Variants in MAMDC2 observed in about 807,000 individuals in gnomAD.
MAMDC2 encodes the protein MAM domain-containing protein 2.
In MAMDC2, 57 loss-of-function variants were observed where a neutral mutation model predicts 89.8. That is an observed-to-expected ratio of 0.63 (90% CI 0.51 to 0.79). MAMDC2 has a LOEUF of 0.79. MAMDC2 is among the 30% of genes least tolerant of loss of function. MAMDC2 has a pLI of 0.00. For synonymous variants in MAMDC2, 313 were observed against 293.4 expected, an observed-to-expected ratio of 1.07 and a Z score of -0.68; for missense variants, 800 against 820.6, an observed-to-expected ratio of 0.97 and a Z score of 0.31.
At position 70,113,051 on chromosome 9, in the gene MAMDC2, G is replaced by T. The variant is rs1828551725; in HGVS notation, c.562G>T (p.Val188Leu). The T allele has an allele frequency of 6.2e-7, 1 of 1,614,040 alleles. No homozygotes were observed. The highest frequency in any genetic ancestry group is 8.5e-7 in the Non-Finnish European group (1 of 1,179,996). ...CGFVNRWNPN[V>L]NWFVGGGSIR... ...CTTTGTGAACCGCTGGAATCCCAAT[G>T]TGAACTGGTTTGTTGGAGGAGGAAG... Residue 188 changes from valine (V) to leucine (L), a missense_variant, in exon 5 of 14, where the codon GTG becomes TTG. By Grantham distance (32) the Val-to-Leu change is conservative. Transcript: ENST00000377182.
chr9:70,181,752 T>A lies in MAMDC2; in HGVS notation c.1651+11121T>A, dbSNP rs186282642. ...GTTGATTATCAGCTTAAGGAGTTTTTGGGCTGAGACAATGGGGTTTTCTAA... is the reference window on the plus strand; with the variant it reads ...GTTGATTATCAGCTTAAGGAGTTTTAGGGCTGAGACAATGGGGTTTTCTAA... On this transcript the variant is annotated intron_variant, in intron 11 of 13. Transcript: ENST00000377182. Among the ~76,000 whole-genome samples the A allele has an allele frequency of 2.0e-3, 306 of 152,332 alleles. 4 individuals carry two copies. The highest frequency in any genetic ancestry group is 0.014 in the Middle Eastern group (4 of 294).
intron 9 of MAMDC2, among the ~76,000 whole-genome samples, chr9:70,147,005 T>C (rs921761686): frequency 2.0e-5 from 3 of 146,858 alleles, no homozygotes; most frequent in Non-Finnish European, 4.5e-5. Flanking sequence ...CCTGTAATCC[T>C]AGCACTTCGG....
chr9:70,138,494 T>C (rs1302988737), intron 7 of MAMDC2, among the ~76,000 whole-genome samples: 1 of 152,194 alleles, frequency 6.6e-6, no homozygotes, highest in African/African-American at 2.4e-5. Context: ...CTGTTTTCCA[T>C]AGTGGCTGTG....
chr9:70,186,359 G>C (rs1232352643), intron 11 of MAMDC2, among the ~76,000 whole-genome samples: 1 of 151,522 alleles, frequency 6.6e-6, no homozygotes, highest in Non-Finnish European at 1.5e-5. Flanking sequence ...GATTCTTTCA[G>C]TTTTTGTTTG....
intron 2 of MAMDC2, among the ~76,000 whole-genome samples, chr9:70,064,130 A>G (rs1232869694): frequency 6.6e-6 from 1 of 151,998 alleles, no homozygotes; most frequent in East Asian, 1.9e-4. Flanking sequence ...GTATATATAT[A>G]TAATAATTTT....
intron 11 of MAMDC2, among the ~76,000 whole-genome samples, chr9:70,199,137 G>A: frequency 6.8e-6 from 1 of 147,076 alleles, no homozygotes; most frequent in African/African-American, 2.5e-5. Flanking sequence ...TACATGTGCT[G>A]TGCTGGTGCG....
At chr9:70,157,874 C>T (rs888185974) in intron 9 of MAMDC2, 12 of 152,054 alleles carry the variant, frequency 7.9e-5, no homozygotes, top group African/African-American at 1.9e-4. Flanking sequence ...AATAGGAAAG[C>T]GGATAGGATA....
At chr9:70,081,132 A>T (rs1209057029) in intron 2 of MAMDC2, among the ~76,000 whole-genome samples, 1 of 152,100 alleles carries the variant, frequency 6.6e-6, no homozygotes, top group Non-Finnish European at 1.5e-5. Context: ...TGTTTGTTTG[A>T]CACAAAGGAG....
intron 11 of MAMDC2, among the ~76,000 whole-genome samples, chr9:70,211,999 A>G (rs539705285): frequency 6.6e-6 from 1 of 152,312 alleles, no homozygotes; most frequent in Admixed American, 6.5e-5. Flanking sequence ...GCTTTGTCTC[A>G]GAGGGGCACC....
intron 11 of MAMDC2, among the ~76,000 whole-genome samples, chr9:70,184,780 G>A (rs2032715761): frequency 6.6e-6 from 1 of 151,852 alleles, no homozygotes; most frequent in Non-Finnish European, 1.5e-5. Flanking sequence ...AGCAGTTCCT[G>A]TAACCTTTTA....
intron 2 of MAMDC2, among the ~76,000 whole-genome samples, chr9:70,069,520 T>C (rs1349004343): frequency 2.6e-5 from 4 of 152,228 alleles, no homozygotes; most frequent in African/African-American, 9.6e-5. Context: ...AATTTTTAAA[T>C]ATGCATAGTC....
At chr9:70,191,606 T>C (rs925640086) in intron 11 of MAMDC2, among the ~76,000 whole-genome samples, 2 of 152,080 alleles carry the variant, frequency 1.3e-5, no homozygotes, top group African/African-American at 4.8e-5. Context: ...GAGTTCAACC[T>C]GTTCTCCAGT....
chr9:70,102,484 G>A (rs115990932), intron 2 of MAMDC2, among the ~76,000 whole-genome samples: 1 of 152,118 alleles, frequency 6.6e-6, no homozygotes, highest in East Asian at 1.9e-4. Flanking sequence ...GGAAGTTATC[G>A]ATACATTGAG....
At chr9:70,065,038 A>G (rs1827234932) in intron 2 of MAMDC2, among the ~76,000 whole-genome samples, 1 of 152,218 alleles carries the variant, frequency 6.6e-6, no homozygotes, top group African/African-American at 2.4e-5. Context: ...CCATCTGTCT[A>G]TATGAAATAT....
chr9:70,136,804 A>C (rs990403007), intron 7 of MAMDC2, among the ~76,000 whole-genome samples: 2 of 152,150 alleles, frequency 1.3e-5, no homozygotes, highest in Non-Finnish European at 2.9e-5. Context: ...AGGGGTGACT[A>C]ATACTGAATA....
chr9:70,048,546 G>A (rs939556433), intron 2 of MAMDC2, among the ~76,000 whole-genome samples: 3 of 152,128 alleles, frequency 2.0e-5, no homozygotes, highest in East Asian at 1.9e-4. Context: ...TGATCCACCC[G>A]CTTCGACCTC....
At chr9:70,170,989 G>C (rs991564890) in intron 11 of MAMDC2, 1 of 211,242 alleles carries the variant, frequency 4.7e-6, no homozygotes, top group African/African-American at 2.3e-5. Context: ...GGCAGACAAA[G>C]GAAGAGGCAT....
intron 9 of MAMDC2, among the ~76,000 whole-genome samples, chr9:70,161,313 A>G (rs1158937665): frequency 2.0e-5 from 3 of 152,210 alleles, no homozygotes; most frequent in East Asian, 3.8e-4. Context: ...TGGGAGCAGA[A>G]AGACTTTCAC....
intron 7 of MAMDC2, among the ~76,000 whole-genome samples, chr9:70,135,083 T>C (rs1402365088): frequency 6.6e-6 from 1 of 152,222 alleles, no homozygotes; most frequent in Non-Finnish European, 1.5e-5. Context: ...TCCCGCTAAT[T>C]AGATTATCTT....
Sources: gnomAD v4.1 joint callset for allele counts (sites outside exome capture counted in the v4.1 genomes callset) on GRCh38, gnomAD v4.1.1 for gene constraint, MANE v1.5 for transcripts, NCBI Gene and HGNC (gene_info 2026-07-23, HGNC 2026-07-21) for gene names.